DOT1L: variants seen among roughly 807,000 people sequenced by gnomAD.
The protein encoded by DOT1L is DOT1 like histone lysine methyltransferase.
A neutral mutation model predicts 153.3 loss-of-function variants in DOT1L; 33 were observed. The observed-to-expected ratio is 0.22, with a 90% CI of 0.16 to 0.29. The LOEUF is 0.29. DOT1L is among the 10% of genes least tolerant of loss of function. The pLI is 1.00. For synonymous variants in DOT1L, 1,135 were observed against 965.1 expected (o/e 1.18, Z -3.26); for missense variants, 1,847 against 2,119.9 (o/e 0.87, Z 2.53).
chr19:2,176,472 G>T (rs531805047), intron 1 of DOT1L, among the ~76,000 whole-genome samples: 2 of 152,168 alleles, frequency 1.3e-5, no homozygotes, highest in Non-Finnish European at 1.5e-5. Context: ...GTACACTTAC[G>T]TGGCCCCCAA....
intron 27 of DOT1L, chr19:2,227,641 C>G: frequency 8.1e-7 from 1 of 1,232,604 alleles, no homozygotes; most frequent in Non-Finnish European, 1.0e-6. Context: ...CTGGCGGCGC[C>G]GTTTCGCTTC....
At position 2,204,246 on chromosome 19, in the gene DOT1L, C is replaced by T. The variant is rs771660103; in HGVS notation, c.787+1467C>T. On this transcript the variant is annotated intron_variant, in intron 9 of 27. Transcript: ENST00000398665. This position sits in a 1 kb window ranked among gnomAD's most constrained non-coding sequence, Gnocchi z 5.7. ...GCCTGTGTGCATGCCTGTGTGTGTG[C>T]GTGCCCGTGTGCCTCCGTGTCTATG... Among the ~76,000 whole-genome samples the T allele has an allele frequency of 6.6e-6, 1 of 150,698 alleles. No individual in the cohort carries two copies. Among genetic ancestry groups the T allele is most frequent in the African/African-American group, 2.4e-5 (1 of 40,852 alleles).
intron 27 of DOT1L, chr19:2,229,140 A>G (rs956762070): frequency 1.0e-6 from 1 of 985,324 alleles, no homozygotes; most frequent in Non-Finnish European, 1.2e-6. Context: ...ACCAGAAGGA[A>G]GTTGGAAGCA....
chr19:2,218,247 C>T (rs565020014), intron 22 of DOT1L, among the ~76,000 whole-genome samples: 7 of 152,254 alleles, frequency 4.6e-5, no homozygotes, highest in African/African-American at 1.7e-4. Flanking sequence ...GTCCTCACAG[C>T]TGCCTCTGGG....
rs140245891 is a variant in DOT1L at position 2,229,295 on chromosome 19, C to T, written c.4607-490C>T. The stretch of plus-strand genomic sequence containing the variant: ...ACATGGCGTGCCTGGCGGCGTAGTG[C>T]AAAGGTGCCCTCTGCTTGCCCCTGG... On this transcript the variant is annotated intron_variant, in intron 27 of 27. Coordinates refer to ENST00000398665, the MANE Select transcript of DOT1L (RefSeq NM_032482.3). 3.3e-3 allele frequency: 3,217 copies of T among 985,462 alleles called. 73 individuals are homozygous for T. In the African/African-American group the frequency reaches 0.05, roughly 15 times the overall value. 61.0% of individuals were successfully genotyped at this position (985,462 alleles called of 1,614,324 possible). A position where few individuals can be genotyped will look rare whatever the true frequency, so the allele number is the denominator to read the frequency against.
chr19:2,221,870 C>T lies in DOT1L; in HGVS notation c.2807-106C>T, dbSNP rs540042529. ...ACTCCCAACCCCTTCCCCACTTCCC[C>T]GCCTCTCCTGGAGCCCACAGAGCTC... On this transcript the variant is annotated intron_variant, in intron 23 of 27. Transcript: ENST00000398665. The T allele has an allele frequency of 6.5e-5, 78 of 1,195,846 alleles. 2 individuals carry two copies. The highest frequency in any genetic ancestry group is 5.6e-4 in the South Asian group (36 of 63,810). The allele number at this position is 1,195,846 out of a possible 1,614,324, so 74.1% of individuals were successfully genotyped here.
At chr19:2,212,154 C>T (rs2023737033) in intron 16 of DOT1L, 1 of 281,000 alleles carries the variant, frequency 3.6e-6, no homozygotes, top group Non-Finnish European at 6.7e-6. Flanking sequence ...TCCTCAAAGG[C>T]TGAGTACTGT....
At chr19:2,165,769 ATT>A (rs34978235) in intron 1 of DOT1L, among the ~76,000 whole-genome samples, 6,197 of 139,448 alleles carry the variant, frequency 0.044, 171 homozygotes, top group East Asian at 0.14. Flanking sequence ...ATGGCTTCAC[ATT>A]TTTTTTTTTT....
intron 1 of DOT1L, among the ~76,000 whole-genome samples, chr19:2,180,201 G>A (rs992934535): frequency 2.6e-5 from 4 of 152,280 alleles, no homozygotes; most frequent in African/African-American, 7.2e-5. Flanking sequence ...AACAGGCCCC[G>A]TGGAGGCTCT....
Position 2,164,139 on chromosome 19 carries a change from C to T in DOT1L, c.-46C>T, listed in dbSNP as rs1472541484. The T allele has an allele frequency of 1.2e-5, 13 of 1,118,294 alleles. No homozygotes were observed. Among genetic ancestry groups the T allele is most frequent in the Non-Finnish European group, 1.3e-5 (12 of 905,468 alleles). 69.3% of individuals were successfully genotyped at this position (1,118,294 alleles called of 1,614,324 possible). A position where few individuals can be genotyped will look rare whatever the true frequency, so the allele number is the denominator to read the frequency against. On this transcript the variant is annotated 5_prime_UTR_variant, in exon 1 of 28. Transcript: ENST00000398665. Reference sequence around the variant, plus strand: ...TCCGCCCACCGGCGGCCCCGCCCCTCCCCCAACCGCCCGCCTAGCATGGTG... The same window carrying T: ...TCCGCCCACCGGCGGCCCCGCCCCTTCCCCAACCGCCCGCCTAGCATGGTG...
intron 25 of DOT1L, among the ~76,000 whole-genome samples, chr19:2,224,809 C>T (rs1157858702): frequency 1.3e-5 from 2 of 152,210 alleles, no homozygotes; most frequent in African/African-American, 2.4e-5. Context: ...CCCACGTGTG[C>T]GTGCACGTGT....
Position 2,210,606 on chromosome 19 carries a change from C to T in DOT1L, c.1117-15C>T, listed in dbSNP as rs1471211549. 1.9e-6 allele frequency: 3 copies of T among 1,610,062 alleles called. No individual in the cohort carries two copies. The highest frequency in any genetic ancestry group is 1.3e-5 in the African/African-American group (1 of 74,784). ...GGCTCTGTGCCCATCCCTGTTCTTCCCTTGTGTCCTCCAGGACTCTGGTGC... is the reference window on the plus strand; with the variant it reads ...GGCTCTGTGCCCATCCCTGTTCTTCTCTTGTGTCCTCCAGGACTCTGGTGC... On this transcript the variant is annotated splice_polypyrimidine_tract_variant and intron_variant, in intron 13 of 27. Coordinates refer to ENST00000398665, the MANE Select transcript of DOT1L (RefSeq NM_032482.3).
At chr19:2,172,814 T>C (rs2021715053) in intron 1 of DOT1L, among the ~76,000 whole-genome samples, 2 of 151,112 alleles carry the variant, frequency 1.3e-5, no homozygotes, top group African/African-American at 4.8e-5. Context: ...ATTTTTCCTC[T>C]TTTTTTTGAA....
At position 2,226,546 on chromosome 19, in the gene DOT1L, C is replaced by G. The variant is rs2024338616; in HGVS notation, c.4025C>G (p.Pro1342Arg). 1.2e-6 allele frequency: 2 copies of G among 1,600,450 alleles called. No individual in the cohort carries two copies. The highest frequency in any genetic ancestry group is 3.3e-5 in the Admixed American group (2 of 59,916). ...SDGASLPHKG[P>R]EAAGLSSPLS... is the part of the protein sequence containing the mutation. ...GGTGCTTCTCTTCCCCACAAGGGCC[C>G]CGAGGCGGCCGGCCTGAGCTCCCCG... The change falls in exon 27 of 28, where the codon CCC (proline) becomes CGC (arginine). Residue 1342 changes from proline to arginine, a missense_variant. By Grantham distance (103) the Pro-to-Arg change is moderately radical. This residue lies in a region of DOT1L where 934 missense variants were observed against 825.3 expected (regional missense o/e 1.13). Transcript: ENST00000398665.
At chr19:2,187,757 C>T (rs2022586440) in intron 3 of DOT1L, among the ~76,000 whole-genome samples, 1 of 152,056 alleles carries the variant, frequency 6.6e-6, no homozygotes, top group Admixed American at 6.5e-5. Flanking sequence ...CCCGTCTCTA[C>T]TAAAAATACA....
At chr19:2,174,913 A>G (rs1348201090) in intron 1 of DOT1L, among the ~76,000 whole-genome samples, 1 of 151,950 alleles carries the variant, frequency 6.6e-6, no homozygotes, top group Admixed American at 6.6e-5. Flanking sequence ...CTGGGATTAC[A>G]GGCATAAGCC....
chr19:2,212,217 C>A, intron 16 of DOT1L: 1 of 176,674 alleles, frequency 5.7e-6, no homozygotes, highest in South Asian at 1.2e-4. Flanking sequence ...GGCTGGAGTG[C>A]AGTGGTGTGA....
intron 1 of DOT1L, among the ~76,000 whole-genome samples, chr19:2,168,337 T>A (rs1340223076): frequency 6.6e-6 from 1 of 152,150 alleles, no homozygotes; most frequent in Non-Finnish European, 1.5e-5. Flanking sequence ...TTAAGTAGAT[T>A]ATAAATAGAA....
Position 2,220,942 on chromosome 19 carries a change from G to A in DOT1L, c.2806+720G>A, listed in dbSNP as rs893611886. 40 of 226,314 alleles carry A rather than the reference G, an allele frequency of 1.8e-4. 1 individual carries two copies. Among genetic ancestry groups the A allele is most frequent in the South Asian group, 7.3e-4 (13 of 17,736 alleles). 14.0% of individuals were successfully genotyped at this position (226,314 alleles called of 1,614,324 possible). On this transcript the variant is annotated intron_variant, in intron 23 of 27. Coordinates refer to ENST00000398665, the MANE Select transcript of DOT1L (RefSeq NM_032482.3). This position sits in a 1 kb window ranked among gnomAD's most constrained non-coding sequence, Gnocchi z 4.5. ...TGTAATCCCAGCACCTTGGGATGCC[G>A]AGGTGGGCGGATCACCTGAGGACAG...
Sources: gnomAD v4.1 joint callset for allele counts (sites outside exome capture counted in the v4.1 genomes callset) on GRCh38, gnomAD v4.1.1 for gene constraint, gnomAD v4.1.1 regional missense constraint, Gnocchi (gnomAD v3.1) non-coding constraint, MANE v1.5 for transcripts, NCBI Gene and HGNC (gene_info 2026-07-23, HGNC 2026-07-21) for gene names.